Variants in CCDC38 observed in about 807,000 individuals in gnomAD.
CCDC38 encodes the protein coiled-coil domain containing 38.
A neutral mutation model predicts 72.8 loss-of-function variants in CCDC38; 69 were observed. The observed-to-expected ratio is 0.95, with a 90% CI of 0.78 to 1.16. CCDC38 has a LOEUF of 1.16. Among genes scored for constraint, CCDC38 ranks in the 50% most tolerant of loss-of-function variants. The pLI, the probability that CCDC38 is intolerant of heterozygous loss-of-function variation, is 0.00. For missense variants in CCDC38, 626 were observed against 638.9 expected (o/e 0.98, Z 0.22); for synonymous variants, 201 against 213.2 (o/e 0.94, Z 0.50).
intron 4 of CCDC38, among the ~76,000 whole-genome samples, chr12:95,914,403 G>A (rs780189098): frequency 8.5e-4 from 130 of 152,258 alleles, no homozygotes; most frequent in African/African-American, 2.4e-3. Context: ...GCCATATAAT[G>A]TTCCCTGTGT....
At chr12:95,872,724 G>A (rs997432166) in intron 13 of CCDC38, among the ~76,000 whole-genome samples, 26 of 152,140 alleles carry the variant, frequency 1.7e-4, no homozygotes, top group African/African-American at 5.1e-4. Context: ...ACAGGCATGC[G>A]CCACCACGCG....
At position 95,898,589 on chromosome 12, in the gene CCDC38, C is replaced by T. The variant is rs993761551; in HGVS notation, c.512G>A (p.Arg171Lys). 1 of 1,614,150 alleles carries T rather than the reference C, an allele frequency of 6.2e-7. No individual in the cohort carries two copies. ...AAACATTTTCAGAGCGTCTACAGAT[C>T]TCTGGTCATTTTCTCGAAGGAACTC... is the stretch of plus-strand genomic sequence containing the variant. ...FEEFLRENDQ[R>K]SVDALKMAAQ... is the part of the protein sequence containing the mutation. Residue 171 changes from arginine to lysine, a missense_variant, in exon 6 of 16, where the codon AGA becomes AAA. Physicochemically the swap from Arg to Lys is conservative, Grantham distance 26. Transcript: ENST00000344280.
chr12:95,869,816 G>T, intron 14 of CCDC38: 3 of 359,090 alleles, frequency 8.4e-6, no homozygotes, highest in East Asian at 6.1e-5. Context: ...CCCAGATCTT[G>T]GTCTATTTTT....
chr12:95,904,541 G>T (rs1270632426), intron 5 of CCDC38, among the ~76,000 whole-genome samples: 1 of 152,238 alleles, frequency 6.6e-6, no homozygotes, highest in African/African-American at 2.4e-5. Flanking sequence ...AGTTCTAAAT[G>T]CAAAGCTTCC....
chr12:95,934,637 T>A (rs1431263612), intron 2 of CCDC38: 1 of 152,056 alleles, frequency 6.6e-6, no homozygotes, highest in Non-Finnish European at 1.5e-5. Flanking sequence ...GCATTTTGTT[T>A]TTTTTGGTTA....
chr12:95,894,179 A>T (rs2079860897), intron 8 of CCDC38, among the ~76,000 whole-genome samples: 1 of 152,174 alleles, frequency 6.6e-6, no homozygotes, highest in African/African-American at 2.4e-5. Flanking sequence ...AGATTGTGCC[A>T]TTGGACTCCA....
rs529332428 is a variant in CCDC38 at position 95,898,644 on chromosome 12, T to C, written c.457A>G (p.Lys153Glu). The stretch of plus-strand genomic sequence containing the variant: ...AAGGCCAGTGCATCATCTTGGAGCT[T>C]TTTCTCTGCTTTTTTTAGTTGCCGT... ...RERQLKKAEK[K>E]LQDDALAFEE... Residue 153 changes from lysine (K) to glutamate (E), a missense_variant, in exon 6 of 16, where the codon AAG becomes GAG. By Grantham distance (56) the Lys-to-Glu change is moderately conservative (BLOSUM62 1). Transcript: ENST00000344280. 1 of 1,614,196 alleles carries C rather than the reference T, an allele frequency of 6.2e-7. No individual in the cohort carries two copies. The highest frequency in any genetic ancestry group is 1.1e-5 in the South Asian group (1 of 91,076).
chr12:95,900,197 G>A (rs2079936088), intron 5 of CCDC38, among the ~76,000 whole-genome samples: 1 of 152,174 alleles, frequency 6.6e-6, no homozygotes, highest in African/African-American at 2.4e-5. Flanking sequence ...ACAGCAAAGA[G>A]ACCACCAAGG....
chr12:95,895,754 GAAAAAAA>G (rs1206572260), intron 7 of CCDC38, among the ~76,000 whole-genome samples: 4 of 37,260 alleles, frequency 1.1e-4, no homozygotes, highest in African/African-American at 3.3e-4. Flanking sequence ...ACTCTGTCTC[GAAAAAAA>G]AAAAAAAAAA....
intron 11 of CCDC38, chr12:95,880,091 G>C (rs76987122): frequency 0.045 from 9,285 of 208,260 alleles, 449 homozygotes; most frequent in African/African-American, 0.13. Context: ...GCGGGAAAAA[G>C]GGAAAGGGAG....
At chr12:95,888,432 G>T (rs1236959564) in intron 10 of CCDC38, 26 bp downstream of exon 10, 1 of 1,605,034 alleles carries the variant, frequency 6.2e-7, no homozygotes. Flanking sequence ...CAGTTTCCAA[G>T]GGAGTTAGTC....
intron 4 of CCDC38, among the ~76,000 whole-genome samples, chr12:95,914,973 A>G (rs1397232966): frequency 6.6e-6 from 1 of 152,232 alleles, no homozygotes; most frequent in African/African-American, 2.4e-5. Context: ...TTTTAATAGA[A>G]GAAAAGAATG....
At chr12:95,887,661 C>T (rs75784808) in intron 10 of CCDC38, among the ~76,000 whole-genome samples, 1,724 of 152,242 alleles carry the variant, frequency 0.011, 26 homozygotes, top group African/African-American at 0.039. Flanking sequence ...CCTGCGCTGA[C>T]GTTCTGTATT....
intron 9 of CCDC38, among the ~76,000 whole-genome samples, chr12:95,890,335 G>A (rs1432116881): frequency 2.0e-5 from 3 of 152,224 alleles, no homozygotes; most frequent in Non-Finnish European, 4.4e-5. Context: ...GGGAGGAGGA[G>A]GGTCATTCCA....
At chr12:95,898,357 G>A in intron 7 of CCDC38, 28 bp downstream of exon 7, 1 of 1,609,344 alleles carries the variant, frequency 6.2e-7, no homozygotes, top group South Asian at 1.1e-5. Flanking sequence ...TGGAAATTTG[G>A]CCACGAGAAG....
At chr12:95,895,778 C>T (rs1306423527) in intron 7 of CCDC38, among the ~76,000 whole-genome samples, 1 of 115,364 alleles carries the variant, frequency 8.7e-6, no homozygotes, top group Admixed American at 8.9e-5. Flanking sequence ...AAAAAAAAAG[C>T]CGGGCATGGT....
intron 2 of CCDC38, among the ~76,000 whole-genome samples, chr12:95,923,447 G>A (rs1265373503): frequency 2.6e-5 from 4 of 152,010 alleles, no homozygotes; most frequent in Admixed American, 1.3e-4. Context: ...TGAGTAATTA[G>A]TGGGCTGGAC....
intron 4 of CCDC38, among the ~76,000 whole-genome samples, chr12:95,912,726 T>C (rs554308662): frequency 4.4e-4 from 67 of 152,148 alleles, no homozygotes; most frequent in Non-Finnish European, 8.2e-4. Flanking sequence ...CACCATACCC[T>C]ATCAATATGT....
Position 95,892,634 on chromosome 12 carries a change from A to C in CCDC38, c.773-1704T>G, listed in dbSNP as rs979537354. On this transcript the variant is annotated intron_variant, in intron 8 of 15. Coordinates refer to ENST00000344280, the MANE Select transcript of CCDC38 (RefSeq NM_182496.3). Reference sequence around the variant, plus strand: ...GGTCTGCCTGGAGTGCAGTGGTGTGATCTCAGCTCACTGCAACCTCCGCCT... The same window carrying C: ...GGTCTGCCTGGAGTGCAGTGGTGTGCTCTCAGCTCACTGCAACCTCCGCCT... Among the ~76,000 whole-genome samples, 4 of 140,516 alleles carry C rather than the reference A, an allele frequency of 2.8e-5. No individual in the cohort carries two copies. The Admixed American group carries it at 3.0e-4, about 10-fold the overall frequency. 92.2% of individuals were successfully genotyped at this position (140,516 alleles called of 152,430 possible). A position where few individuals can be genotyped will look rare whatever the true frequency, so the allele number is the denominator to read the frequency against.
Sources: gnomAD v4.1 joint callset for allele counts (sites outside exome capture counted in the v4.1 genomes callset) on GRCh38, gnomAD v4.1.1 for gene constraint, MANE v1.5 for transcripts, NCBI Gene and HGNC (gene_info 2026-07-23, HGNC 2026-07-21) for gene names.